The following IGSF11 variants were observed in gnomAD, a reference collection of about 807,000 sequenced individuals.
IGSF11 encodes CXADR like 1.
A neutral mutation model predicts 41.0 loss-of-function variants in IGSF11; 22 were observed. The observed-to-expected ratio is 0.54, with a 90% confidence interval of 0.38 to 0.77. The LOEUF is 0.77. Among genes scored for constraint, IGSF11 ranks in the 30% least tolerant of loss-of-function variants. The pLI is 0.00. For synonymous variants in IGSF11, 219 were observed against 201.3 expected (o/e 1.09, Z -0.74); for missense variants, 444 against 530.8 (o/e 0.84, Z 1.61).
intron 4 of IGSF11, among the ~76,000 whole-genome samples, chr3:118,915,069 C>G (rs1940922007): frequency 8.0e-6 from 1 of 124,970 alleles, no homozygotes. Context: ...GGAAAACTAA[C>G]AAACAGAAAG....
intron 1 of IGSF11, among the ~76,000 whole-genome samples, chr3:119,073,139 T>A (rs151286820): frequency 6.6e-6 from 1 of 152,154 alleles, no homozygotes; most frequent in African/African-American, 2.4e-5. Context: ...AGAGTGCTGA[T>A]TGGTGTATTT....
intron 1 of IGSF11, among the ~76,000 whole-genome samples, chr3:118,983,999 C>T (rs1935002569): frequency 6.6e-6 from 1 of 152,212 alleles, no homozygotes; most frequent in East Asian, 1.9e-4. Flanking sequence ...CCACTCTCCT[C>T]TAGAATTTAT....
intron 1 of IGSF11, among the ~76,000 whole-genome samples, chr3:118,963,831 T>C (rs1374140705): frequency 6.6e-6 from 1 of 152,160 alleles, no homozygotes; most frequent in Non-Finnish European, 1.5e-5. Flanking sequence ...CAATTTTAAT[T>C]AATATTCTCT....
intron 4 of IGSF11, among the ~76,000 whole-genome samples, chr3:118,915,900 C>T (rs958171767): frequency 1.5e-4 from 16 of 104,794 alleles, no homozygotes; most frequent in Non-Finnish European, 2.3e-4. Context: ...AGACTAACAG[C>T]GGATCTCTTG....
chr3:119,055,769 G>A (rs973103631), intron 1 of IGSF11, among the ~76,000 whole-genome samples: 4 of 152,138 alleles, frequency 2.6e-5, no homozygotes, highest in African/African-American at 9.7e-5. Flanking sequence ...AGAACAAACT[G>A]TCTCTCAGAC....
At chr3:118,909,122 A>C (rs927754772) in intron 4 of IGSF11, among the ~76,000 whole-genome samples, 4 of 152,202 alleles carry the variant, frequency 2.6e-5, no homozygotes, top group African/African-American at 4.8e-5. Flanking sequence ...AAATATGAAA[A>C]ATGTCTAGTG....
intron 6 of IGSF11, among the ~76,000 whole-genome samples, 192 bp downstream of exon 6, chr3:118,904,456 T>TC (rs1298966217): frequency 6.6e-6 from 1 of 152,158 alleles, no homozygotes; most frequent in Non-Finnish European, 1.5e-5. Context: ...GACCTTTCCC[T>TC]CCTTCATGAT....
intron 1 of IGSF11, among the ~76,000 whole-genome samples, chr3:119,128,134 G>A (rs577479053): frequency 3.3e-5 from 5 of 152,306 alleles, no homozygotes; most frequent in Admixed American, 2.6e-4. Context: ...CAAGGCAGGT[G>A]AATTACCTGC....
chr3:118,971,724 C>T (rs1488860926), intron 1 of IGSF11, among the ~76,000 whole-genome samples: 1 of 151,528 alleles, frequency 6.6e-6, no homozygotes, highest in Non-Finnish European at 1.5e-5. Flanking sequence ...AATTGCTTGA[C>T]CCTGGGAGGC....
At chr3:119,021,056 AG>A (rs1436628415) in intron 1 of IGSF11, among the ~76,000 whole-genome samples, 1 of 152,172 alleles carries the variant, frequency 6.6e-6, no homozygotes, top group Non-Finnish European at 1.5e-5. Flanking sequence ...CACTCTCCCT[AG>A]GGAAAAGAAA....
At chr3:119,045,841 C>T (rs1102581) in intron 1 of IGSF11, among the ~76,000 whole-genome samples, 8 of 151,012 alleles carry the variant, frequency 5.3e-5, no homozygotes, top group African/African-American at 1.9e-4. Flanking sequence ...TGACCCCTGA[C>T]CCCCGAGCAG....
chr3:119,097,790 T>C (rs2076877881), intron 1 of IGSF11, among the ~76,000 whole-genome samples: 1 of 151,952 alleles, frequency 6.6e-6, no homozygotes, highest in South Asian at 2.1e-4. Context: ...CATTTCTCCA[T>C]ATGAGATTGG....
intron 4 of IGSF11, among the ~76,000 whole-genome samples, chr3:118,913,485 G>A (rs1162939329): frequency 2.0e-5 from 3 of 152,194 alleles, no homozygotes; most frequent in Admixed American, 2.0e-4. Flanking sequence ...AACAAGAAAG[G>A]TGGGAAGAAA....
intron 1 of IGSF11, among the ~76,000 whole-genome samples, chr3:119,052,612 G>T (rs894330348): frequency 1.3e-5 from 2 of 151,740 alleles, no homozygotes; most frequent in Admixed American, 1.3e-4. Flanking sequence ...AAAAGACAGA[G>T]AAAGAGGGAA....
At chr3:119,095,725 G>A (rs1240881664) in intron 1 of IGSF11, among the ~76,000 whole-genome samples, 1 of 152,184 alleles carries the variant, frequency 6.6e-6, no homozygotes, top group Non-Finnish European at 1.5e-5. Context: ...CATGCAGTAG[G>A]TTGCTTTACA....
At chr3:118,935,247 GTA>G (rs1280755583) in intron 1 of IGSF11, among the ~76,000 whole-genome samples, 2 of 134,964 alleles carry the variant, frequency 1.5e-5, no homozygotes, top group Non-Finnish European at 3.2e-5. Flanking sequence ...ATATATATAT[GTA>G]TATATATATA....
chr3:118,979,544 G>A (rs1278935648), intron 1 of IGSF11, among the ~76,000 whole-genome samples: 1 of 152,106 alleles, frequency 6.6e-6, no homozygotes, highest in Non-Finnish European at 1.5e-5. Flanking sequence ...ATGGATTAAA[G>A]ATTTAAAAGT....
intron 1 of IGSF11, among the ~76,000 whole-genome samples, chr3:119,050,332 A>G (rs900871141): frequency 1.3e-5 from 2 of 152,240 alleles, no homozygotes; most frequent in Non-Finnish European, 2.9e-5. Flanking sequence ...AAAAGTGGGC[A>G]AAGGACGTGA....
chr3:118,900,571 A>T lies in IGSF11; in HGVS notation c.*1949T>A, dbSNP rs1364474764. 1 of 152,586 alleles carries T rather than the reference A, an allele frequency of 6.6e-6. No homozygotes were observed. 9.5% of individuals were successfully genotyped at this position (152,586 alleles called of 1,614,324 possible). ...GATGGAGAAAATCTTGTAACATTAA[A>T]GAGAATACTAAGTTTTAAAATGACA... On this transcript the variant is annotated 3_prime_UTR_variant, in exon 7 of 7. Coordinates refer to ENST00000393775, the MANE Select transcript of IGSF11 (RefSeq NM_001015887.3).
Sources: allele counts gnomAD v4.1 joint callset (sites outside exome capture counted in the v4.1 genomes callset), GRCh38; gene constraint gnomAD v4.1.1; transcripts MANE v1.5; gene names NCBI Gene and HGNC (gene_info 2026-07-23, HGNC 2026-07-21).